HECW1: variants seen among roughly 807,000 people sequenced by gnomAD.
HECW1 encodes E3 ubiquitin-protein ligase HECW1.
In HECW1, 61 loss-of-function variants were observed where a neutral mutation model predicts 182.3. That is an observed-to-expected ratio of 0.33 (90% CI 0.27 to 0.41). The LOEUF (loss-of-function observed/expected upper bound fraction) is 0.41, where lower values mean the gene tolerates loss of function less well. HECW1 is among the 10% of genes least tolerant of loss of function. HECW1 has a pLI of 1.00. For synonymous variants in HECW1, 859 were observed against 832.6 expected (o/e 1.03, Z -0.55); for missense variants, 1,739 against 2,108.9 (o/e 0.82, Z 3.44).
intron 2 of HECW1, among the ~76,000 whole-genome samples, chr7:43,228,748 G>A (rs1328949506): frequency 6.6e-6 from 1 of 152,112 alleles, no homozygotes; most frequent in Admixed American, 6.5e-5. Flanking sequence ...AACAATCTAC[G>A]TGTCCAAAAT....
chr7:43,464,397 C>T (rs2077690172), intron 14 of HECW1, among the ~76,000 whole-genome samples: 1 of 152,132 alleles, frequency 6.6e-6, no homozygotes, highest in Non-Finnish European at 1.5e-5. Flanking sequence ...CTACAGTAGG[C>T]ATTCACCTTG....
chr7:43,421,387 A>G (rs923223765), intron 8 of HECW1, among the ~76,000 whole-genome samples: 1 of 152,236 alleles, frequency 6.6e-6, no homozygotes, highest in African/African-American at 2.4e-5. Flanking sequence ...GGAAGCCAAA[A>G]AAATCTTAAA....
rs1355615028 is a variant in HECW1, at chr7:43,564,379, A to G, written c.*2453A>G. The G allele has an allele frequency of 5.5e-6, 1 of 182,068 alleles. No homozygotes were observed. The highest frequency in any genetic ancestry group is 1.2e-5 in the Non-Finnish European group (1 of 85,314). 11.3% of individuals were successfully genotyped at this position (182,068 alleles called of 1,614,324 possible). On this transcript the variant is annotated 3_prime_UTR_variant, in exon 30 of 30. Coordinates refer to ENST00000395891, the MANE Select transcript of HECW1 (RefSeq NM_015052.5). ...TGCAATTTATATAAATTACTAATTA[A>G]TCTATTAATTAGATTAATTAATATC...
chr7:43,361,504 A>G (rs1272424777), intron 6 of HECW1, among the ~76,000 whole-genome samples: 3 of 152,194 alleles, frequency 2.0e-5, no homozygotes, highest in Non-Finnish European at 4.4e-5. Context: ...GACAGTGGCC[A>G]AGGAGCCTAA....
chr7:43,220,553 C>G (rs971128661), intron 2 of HECW1, among the ~76,000 whole-genome samples: 9 of 152,144 alleles, frequency 5.9e-5, no homozygotes, highest in Non-Finnish European at 1.0e-4. Context: ...AGCAGCCCAC[C>G]AGCTCTAGCA....
intron 2 of HECW1, among the ~76,000 whole-genome samples, chr7:43,179,621 T>C (rs1024841388): frequency 1.3e-5 from 2 of 152,136 alleles, no homozygotes; most frequent in Non-Finnish European, 2.9e-5. Flanking sequence ...AAATGCAAGG[T>C]TTATACTTTT....
intron 5 of HECW1, among the ~76,000 whole-genome samples, chr7:43,352,411 A>C (rs1441739250): frequency 2.6e-5 from 4 of 152,194 alleles, no homozygotes; most frequent in Admixed American, 6.5e-5. Context: ...TTTTGGCAGA[A>C]TTATTTCTAC....
rs1563117053 is a variant in HECW1, at chr7:43,550,428, TTC to T, written c.4249-15_4249-14del. On this transcript the variant is annotated splice_polypyrimidine_tract_variant and intron_variant, in intron 26 of 29. Coordinates refer to ENST00000395891, the MANE Select transcript of HECW1 (RefSeq NM_015052.5). ...GCAGAACTGACAAGCATCGCAATAT[TTC>T]TGTTTTCCTACAAGGTCACGGAAAG... 1 of 1,613,788 alleles carries T rather than the reference TTC, an allele frequency of 6.2e-7. No individual in the cohort carries two copies. The highest frequency in any genetic ancestry group is 1.1e-5 in the South Asian group (1 of 90,994).
At chr7:43,498,086 G>A (rs1040316186) in intron 19 of HECW1, among the ~76,000 whole-genome samples, 4 of 152,176 alleles carry the variant, frequency 2.6e-5, no homozygotes, top group Non-Finnish European at 5.9e-5. Context: ...AGTGCACTTT[G>A]GGATGGAGTC....
In HECW1 at chr7:43,311,978, C is replaced by T. The variant is rs570717308; in HGVS notation, c.243C>T (p.Leu81=). The change falls in exon 4 of 30, where the codon CTC becomes CTT. Residue 81 remains leucine (L), a synonymous_variant. Coordinates refer to ENST00000395891, the MANE Select transcript of HECW1 (RefSeq NM_015052.5). ...TCACCTCGGACAGCCGCTCCACGCT[C>T]ATGGTCAGCAGCTCCTACTATTCCA... The part of the protein sequence containing the change: ...DLVTSDSRST[L]MVSSSYYSIG... 5.6e-6 allele frequency: 9 copies of T among 1,614,244 alleles called. No homozygotes were observed. The highest frequency in any genetic ancestry group is 4.0e-5 in the African/African-American group (3 of 75,068).
chr7:43,429,853 T>C (rs996628640), intron 8 of HECW1, among the ~76,000 whole-genome samples: 2 of 152,188 alleles, frequency 1.3e-5, no homozygotes, highest in African/African-American at 4.8e-5. Context: ...TTCCCCCCTT[T>C]ATATCTCGCT....
At chr7:43,200,945 TA>T (rs1794971082) in intron 2 of HECW1, among the ~76,000 whole-genome samples, 1 of 152,202 alleles carries the variant, frequency 6.6e-6, no homozygotes, top group African/African-American at 2.4e-5. Context: ...ATGATCTCAT[TA>T]ACCCTTTCTT....
chr7:43,227,846 A>G (rs576561086), intron 2 of HECW1, among the ~76,000 whole-genome samples: 18 of 152,352 alleles, frequency 1.2e-4, no homozygotes, highest in African/African-American at 3.6e-4. Context: ...CACAACTCAG[A>G]GTAAATTCTG....
Position 43,475,920 on chromosome 7 carries a change from T to G in HECW1, c.3100-3690T>G, listed in dbSNP as rs2078204974. Among the ~76,000 whole-genome samples, 3 of 152,304 alleles carry G rather than the reference T, an allele frequency of 2.0e-5. No homozygotes were observed. The South Asian group carries it at 6.2e-4, about 32-fold the overall frequency. ...ATGTAAATATGTTTTCGTGACCTAA[T>G]AAAGCCTCCTTTAAAACAGTGGACA... On this transcript the variant is annotated intron_variant, in intron 16 of 29. Transcript: ENST00000395891.
In HECW1 at chr7:43,137,749, C is replaced by T. The variant is rs188944004; in HGVS notation, c.-32+23358C>T. 2.0e-5 allele frequency among the ~76,000 whole-genome samples: 3 copies of T among 152,024 alleles called. No homozygotes were observed. In the East Asian group the frequency reaches 5.8e-4, roughly 29 times the overall value. On this transcript the variant is annotated intron_variant, in intron 2 of 29. Transcript: ENST00000395891. Reference sequence around the variant, plus strand: ...ATTTTTAGTAGAGATAGGGTTTCACCATGTTGCTCAGGCTGGTCTCGAACT... The same window carrying T: ...ATTTTTAGTAGAGATAGGGTTTCACTATGTTGCTCAGGCTGGTCTCGAACT...
intron 24 of HECW1, chr7:43,510,029 G>A (rs887356223): frequency 6.6e-6 from 1 of 152,316 alleles, no homozygotes; most frequent in Non-Finnish European, 1.5e-5. Flanking sequence ...TGCACTCCCA[G>A]CCCTGAAGTT....
At chr7:43,261,958 T>C (rs1801220549) in intron 3 of HECW1, among the ~76,000 whole-genome samples, 1 of 152,306 alleles carries the variant, frequency 6.6e-6, no homozygotes, top group Non-Finnish European at 1.5e-5. Flanking sequence ...CAGTGGTTTA[T>C]GCCTGTAATC....
intron 3 of HECW1, among the ~76,000 whole-genome samples, chr7:43,270,068 A>G (rs887017060): frequency 1.3e-5 from 2 of 152,246 alleles, no homozygotes; most frequent in Non-Finnish European, 2.9e-5. Context: ...GTAAGTGCTC[A>G]ATAATTGTTG....
At chr7:43,274,655 G>C in intron 3 of HECW1, 2 of 320,062 alleles carry the variant, frequency 6.2e-6, no homozygotes, top group South Asian at 5.5e-5. Flanking sequence ...GAGAGAGAGA[G>C]AGAGAGAGCG....
Sources: allele counts gnomAD v4.1 joint callset (sites outside exome capture counted in the v4.1 genomes callset), GRCh38; gene constraint gnomAD v4.1.1; transcripts MANE v1.5; gene names NCBI Gene and HGNC (gene_info 2026-07-23, HGNC 2026-07-21).